The following ARMC10 variants were observed in gnomAD, a reference collection of about 807,000 sequenced individuals.
ARMC10 encodes armadillo repeat containing 10, also known as armadillo repeat-containing protein 10.
In ARMC10, 23 loss-of-function variants were observed where a neutral mutation model predicts 30.2. The ratio of observed to expected loss-of-function variants is 0.76; its 90% CI spans 0.55 to 1.08. The LOEUF is 1.08. Among genes scored for constraint, ARMC10 ranks in the 50% least tolerant of loss-of-function variants. ARMC10 has a pLI of 0.00. For missense variants in ARMC10, 303 were observed against 413.7 expected (o/e 0.73, Z 2.32); for synonymous variants, 111 against 164.4 (o/e 0.68, Z 2.48).
chr7:103,076,281 T>C (rs1445944115), intron 2 of ARMC10, among the ~76,000 whole-genome samples: 1 of 152,200 alleles, frequency 6.6e-6, no homozygotes, highest in African/African-American at 2.4e-5. Context: ...ACAGTACCAT[T>C]TGCTACATGT....
intron 5 of ARMC10, chr7:103,096,947 C>G (rs1801806769): frequency 3.2e-6 from 1 of 310,430 alleles, no homozygotes; most frequent in African/African-American, 2.1e-5. Context: ...TGATAGAAAA[C>G]CTGTATCTCT....
chr7:103,084,614 G>A (rs1052950641), intron 3 of ARMC10, among the ~76,000 whole-genome samples: 4 of 152,168 alleles, frequency 2.6e-5, no homozygotes, highest in African/African-American at 9.7e-5. Flanking sequence ...CTTGGACAGC[G>A]AAGAATAGCA....
chr7:103,086,294 T>C (rs2129522342), intron 3 of ARMC10, among the ~76,000 whole-genome samples: 1 of 152,308 alleles, frequency 6.6e-6, no homozygotes, highest in South Asian at 2.1e-4. Context: ...TTGCCTATAA[T>C]GGAGAAGTCA....
intron 2 of ARMC10, among the ~76,000 whole-genome samples, chr7:103,081,316 A>C (rs1182931943): frequency 6.6e-6 from 1 of 152,244 alleles, no homozygotes; most frequent in Non-Finnish European, 1.5e-5. Context: ...TTTAATCCCT[A>C]GAAAAATTTT....
intron 2 of ARMC10, among the ~76,000 whole-genome samples, chr7:103,079,439 A>G (rs1319305355): frequency 6.6e-6 from 1 of 152,250 alleles, no homozygotes; most frequent in Non-Finnish European, 1.5e-5. Context: ...ATCAAAACCC[A>G]AAAGCAAATA....
chr7:103,078,493 T>C (rs1165273373), intron 2 of ARMC10, among the ~76,000 whole-genome samples: 1 of 152,216 alleles, frequency 6.6e-6, no homozygotes, highest in Non-Finnish European at 1.5e-5. Context: ...CCTTCCACCA[T>C]GATTGTAAGT....
Position 103,075,194 on chromosome 7 carries a change from C to G in ARMC10, c.-79C>G. 1 of 1,037,760 alleles carries G rather than the reference C, an allele frequency of 9.6e-7. No individual in the cohort carries two copies. The highest frequency in any genetic ancestry group is 1.2e-6 in the Non-Finnish European group (1 of 844,690). 64.3% of individuals were successfully genotyped at this position (1,037,760 alleles called of 1,614,324 possible). On this transcript the variant is annotated 5_prime_UTR_variant, in exon 1 of 7. Coordinates refer to ENST00000323716, the MANE Select transcript of ARMC10 (RefSeq NM_031905.5). ...GCGTTTGCTGTGGCGGCTAGGCCCG[C>G]GTGCGCTGGAGACCTCCGCGCTGGC...
chr7:103,081,817 A>G (rs535640244), intron 2 of ARMC10: 44 of 446,946 alleles, frequency 9.8e-5, no homozygotes, highest in Non-Finnish European at 1.7e-4. Flanking sequence ...AAATCATACA[A>G]CTTCAGGGCT....
In ARMC10 at chr7:103,075,710, A is replaced by G. The variant is rs142977617; in HGVS notation, c.140-67A>G. The G allele has an allele frequency of 7.2e-4, 896 of 1,237,438 alleles. 20 individuals carry two copies. In the East Asian group the frequency reaches 0.025, roughly 34 times the overall value. 76.7% of individuals were successfully genotyped at this position (1,237,438 alleles called of 1,614,324 possible). On this transcript the variant is annotated intron_variant, in intron 1 of 6. Transcript: ENST00000323716. ...TTGCTCCGGGCCTTTGTGTAACTAA[A>G]GGGATTCTCCCGATTGTGGAAGGGC...
At chr7:103,081,978 T>C (rs1401189176) in intron 2 of ARMC10, 14 of 455,316 alleles carry the variant, frequency 3.1e-5, no homozygotes, top group Non-Finnish European at 6.2e-5. Context: ...CCTGTGACTT[T>C]AGGCAGATCC....
chr7:103,087,891 C>T, intron 4 of ARMC10: 4 of 535,124 alleles, frequency 7.5e-6, no homozygotes, highest in Non-Finnish European at 9.5e-6. Context: ...GAAGCAAAAG[C>T]AGACCATTCT....
intron 2 of ARMC10, among the ~76,000 whole-genome samples, chr7:103,080,090 A>G (rs563362490): frequency 9.8e-5 from 15 of 152,324 alleles, no homozygotes; most frequent in Admixed American, 9.2e-4. Context: ...TCTTGTTGGC[A>G]CAGAGCTAGA....
At chr7:103,082,287 T>C (rs1173708360) in intron 2 of ARMC10, among the ~76,000 whole-genome samples, 3 of 152,170 alleles carry the variant, frequency 2.0e-5, no homozygotes, top group African/African-American at 7.2e-5. Context: ...GTACCACATA[T>C]TGTTTCCCAT....
rs1339599534 is a variant in ARMC10 at position 103,097,089 on chromosome 7, A to G, written c.706-188A>G. 5 of 605,878 alleles carry G rather than the reference A, an allele frequency of 8.3e-6. No homozygotes were observed. The Middle Eastern group carries it at 7.7e-4, about 93-fold the overall frequency. 37.5% of individuals were successfully genotyped at this position (605,878 alleles called of 1,614,324 possible). A position where few individuals can be genotyped will look rare whatever the true frequency, so the allele number is the denominator to read the frequency against. Reference sequence around the variant, plus strand: ...TTCTCTAAGAGTGCTGCCAAGTGTTATAAGAGTTCAGAATGAGACCTTTAA... The same window carrying G: ...TTCTCTAAGAGTGCTGCCAAGTGTTGTAAGAGTTCAGAATGAGACCTTTAA... On this transcript the variant is annotated intron_variant, in intron 5 of 6. Transcript: ENST00000323716.
intron 2 of ARMC10, among the ~76,000 whole-genome samples, chr7:103,079,296 C>T (rs1179017556): frequency 2.0e-5 from 3 of 150,976 alleles, no homozygotes; most frequent in African/African-American, 4.9e-5. Flanking sequence ...AATAAAAAGG[C>T]ATTAAAATAT....
chr7:103,091,603 C>CATT (rs1431256648), intron 4 of ARMC10, among the ~76,000 whole-genome samples: 5 of 152,186 alleles, frequency 3.3e-5, no homozygotes, highest in African/African-American at 1.2e-4. Context: ...TTCTGTTTCA[C>CATT]ATTATCCTCC....
In ARMC10 at chr7:103,083,768, C is replaced by T; in HGVS notation, c.331C>T (p.Pro111Ser). ...LLYLLESTEDPVIIERALITL... is the reference protein window; with the variant it reads ...LLYLLESTEDSVIIERALITL... ...TTACCTGCTGGAGTCAACGGAGGATCCTGTAATTATTGAAAGAGCTTTGAT... is the reference window on the plus strand; with the variant it reads ...TTACCTGCTGGAGTCAACGGAGGATTCTGTAATTATTGAAAGAGCTTTGAT... Residue 111 changes from proline (P) to serine (S), a missense_variant, in exon 3 of 7, where the codon CCT becomes TCT. By Grantham distance (74) the Pro-to-Ser change is moderately conservative. Around this residue, in one of 4 missense-constraint regions of ARMC10, gnomAD observed 170 missense variants for 207.2 expected, o/e 0.82. Transcript: ENST00000323716. 1 of 1,614,146 alleles carries T rather than the reference C, an allele frequency of 6.2e-7. No homozygotes were observed. Among genetic ancestry groups the T allele is most frequent in the African/African-American group, 1.3e-5 (1 of 75,064 alleles).
Position 103,098,279 on chromosome 7 carries a change from C to A in ARMC10, c.778-20C>A. On this transcript the variant is annotated intron_variant, in intron 6 of 6. Transcript: ENST00000323716. ...CATATATTATTAATATAAAATAATACTCATTGTTTCATATTTCAGGTGGAT... is the reference window on the plus strand; with the variant it reads ...CATATATTATTAATATAAAATAATAATCATTGTTTCATATTTCAGGTGGAT... 7.1e-7 allele frequency: 1 copy of A among 1,415,006 alleles called. No homozygotes were observed. Among genetic ancestry groups the A allele is most frequent in the Non-Finnish European group, 9.2e-7 (1 of 1,081,498 alleles). The allele number at this position is 1,415,006 out of a possible 1,614,324, so 87.7% of individuals were successfully genotyped here.
intron 5 of ARMC10, among the ~76,000 whole-genome samples, chr7:103,095,514 T>TA (rs1338773875): frequency 6.6e-6 from 1 of 151,516 alleles, no homozygotes; most frequent in Non-Finnish European, 1.5e-5. Flanking sequence ...GCCTTTGTAA[T>TA]AAAAAATTTT....
Sources: gnomAD v4.1 joint callset for allele counts (sites outside exome capture counted in the v4.1 genomes callset) on GRCh38, gnomAD v4.1.1 for gene constraint, gnomAD v4.1.1 regional missense constraint, MANE v1.5 for transcripts, NCBI Gene and HGNC (gene_info 2026-07-23, HGNC 2026-07-21) for gene names.